The following KCNK2 variants were observed in gnomAD, a reference collection of about 807,000 sequenced individuals.
The protein encoded by KCNK2 is potassium channel subfamily K member 2.
A neutral mutation model predicts 40.5 loss-of-function variants in KCNK2; 21 were observed. That is an observed-to-expected ratio of 0.52 (90% CI 0.37 to 0.75). The LOEUF is 0.75. Ranked by LOEUF, KCNK2 falls within the 30% of genes least tolerant of loss-of-function variation. The pLI, the probability that KCNK2 is intolerant of heterozygous loss-of-function variation, is 0.00. For missense variants in KCNK2, 399 were observed against 531.6 expected, an observed-to-expected ratio of 0.75 and a Z score of 2.45; for synonymous variants, 191 against 202.2, an observed-to-expected ratio of 0.94 and a Z score of 0.47.
At chr1:215,178,488 G>A (rs565978661) in intron 5 of KCNK2, among the ~76,000 whole-genome samples, 2 of 152,310 alleles carry the variant, frequency 1.3e-5, no homozygotes, top group South Asian at 4.1e-4. Flanking sequence ...GCTGTTGACT[G>A]TGGGTTTGCC....
At chr1:215,221,819 ATT>A (rs1298953165) in intron 6 of KCNK2, among the ~76,000 whole-genome samples, 2 of 152,238 alleles carry the variant, frequency 1.3e-5, no homozygotes, top group Non-Finnish European at 1.5e-5. Context: ...CACAAATTAT[ATT>A]GTTTCTGAAA....
chr1:215,041,105 C>G (rs2841574), intron 1 of KCNK2, among the ~76,000 whole-genome samples: 70,910 of 152,068 alleles, frequency 0.47, 17,742 homozygotes, highest in Non-Finnish European at 0.56. Context: ...CCAGCATCAG[C>G]ACTCAATGTG....
At chr1:215,234,773 A>G (rs1487069540) in intron 6 of KCNK2, 55 bp from the exon 7 acceptor site, 2 of 1,471,882 alleles carry the variant, frequency 1.4e-6, no homozygotes, top group African/African-American at 2.8e-5. Flanking sequence ...TAAAGCATAG[A>G]AAATGTTGAT....
intron 1 of KCNK2, among the ~76,000 whole-genome samples, chr1:215,038,365 C>G (rs1442392145): frequency 6.6e-6 from 1 of 152,046 alleles, no homozygotes; most frequent in Non-Finnish European, 1.5e-5. Flanking sequence ...GTCTTACTTG[C>G]TGTTTCCAGC....
At chr1:215,152,788 T>C (rs950979794) in intron 3 of KCNK2, among the ~76,000 whole-genome samples, 2 of 152,178 alleles carry the variant, frequency 1.3e-5, no homozygotes, top group Non-Finnish European at 2.9e-5. Context: ...CTAAAATTTC[T>C]TTCCATGAGA....
At chr1:215,174,342 G>C (rs551626907) in intron 5 of KCNK2, among the ~76,000 whole-genome samples, 2 of 152,056 alleles carry the variant, frequency 1.3e-5, no homozygotes, top group Non-Finnish European at 2.9e-5. Context: ...CTCTGTTTTG[G>C]TACCAGTACC....
intron 1 of KCNK2, among the ~76,000 whole-genome samples, chr1:215,044,795 A>AGG (rs1553257249): frequency 6.9e-6 from 1 of 145,644 alleles, no homozygotes; most frequent in African/African-American, 2.6e-5. Flanking sequence ...GGATAAGTGT[A>AGG]TGTGTGTGTG....
At chr1:215,172,864 T>A (rs1055888127) in intron 5 of KCNK2, among the ~76,000 whole-genome samples, 1 of 152,010 alleles carries the variant, frequency 6.6e-6, no homozygotes, top group Non-Finnish European at 1.5e-5. Flanking sequence ...ACCATGTTGA[T>A]CAGGCTGGTC....
chr1:215,209,504 A>T (rs867636849), intron 6 of KCNK2, among the ~76,000 whole-genome samples: 2 of 2,818 alleles, frequency 7.1e-4, no homozygotes, highest in African/African-American at 1.1e-3. Flanking sequence ...TATAATATAT[A>T]ATATATATAA....
chr1:215,140,265 G>A (rs1435619671), intron 3 of KCNK2, among the ~76,000 whole-genome samples: 1 of 152,090 alleles, frequency 6.6e-6, no homozygotes, highest in Non-Finnish European at 1.5e-5. Flanking sequence ...TCATTCTTTA[G>A]GCAAGGTGAT....
At chr1:215,175,593 C>T (rs1440410800) in intron 5 of KCNK2, among the ~76,000 whole-genome samples, 1 of 152,028 alleles carries the variant, frequency 6.6e-6, no homozygotes, top group African/African-American at 2.4e-5. Flanking sequence ...TTGATCCCAT[C>T]ACCCAGGTAC....
At chr1:215,133,621 C>CTT (rs367681412) in intron 3 of KCNK2, among the ~76,000 whole-genome samples, 3 of 141,188 alleles carry the variant, frequency 2.1e-5, no homozygotes, top group African/African-American at 5.1e-5. Flanking sequence ...CTTCCTAATT[C>CTT]TTTTTTTTTT....
intron 1 of KCNK2, among the ~76,000 whole-genome samples, chr1:215,059,129 GTATATATATACACACACATA>G (rs1157210734): frequency 3.1e-5 from 4 of 130,978 alleles, no homozygotes; most frequent in African/African-American, 9.0e-5. Context: ...ATATATTCGT[GTATATATATACACACACATA>G]TATATATATA....
chr1:215,200,402 T>C (rs1665034939), intron 6 of KCNK2, among the ~76,000 whole-genome samples: 4 of 152,168 alleles, frequency 2.6e-5, no homozygotes. Flanking sequence ...TTGCCAGAGA[T>C]GAGCAATTAA....
At chr1:215,085,881 G>A (rs945686979) in intron 1 of KCNK2, among the ~76,000 whole-genome samples, 3 of 152,106 alleles carry the variant, frequency 2.0e-5, no homozygotes, top group African/African-American at 7.2e-5. Flanking sequence ...TTCATTTATT[G>A]TAATAAATTT....
At chr1:215,195,180 A>G in intron 6 of KCNK2, 88 bp downstream of exon 6, 2 of 1,037,468 alleles carry the variant, frequency 1.9e-6, no homozygotes, top group Non-Finnish European at 2.7e-6. Context: ...CATTTAAAAT[A>G]TTTAAACATT....
At chr1:215,152,083 T>A (rs1029938542) in intron 3 of KCNK2, among the ~76,000 whole-genome samples, 7 of 152,164 alleles carry the variant, frequency 4.6e-5, no homozygotes, top group South Asian at 2.1e-4. Flanking sequence ...TCCTCATTTA[T>A]CCTTAGATCC....
intron 2 of KCNK2, among the ~76,000 whole-genome samples, chr1:215,088,159 C>T (rs143966450): frequency 6.6e-6 from 1 of 151,960 alleles, no homozygotes; most frequent in Non-Finnish European, 1.5e-5. Context: ...CCACATAGAC[C>T]TATGAGGTAC....
chr1:215,140,252 G>A (rs543773813), intron 3 of KCNK2, among the ~76,000 whole-genome samples: 1 of 152,220 alleles, frequency 6.6e-6, no homozygotes, highest in Non-Finnish European at 1.5e-5. Context: ...AAGTTTTGTT[G>A]ACTCATTCTT....
Sources: gnomAD v4.1 joint callset for allele counts (sites outside exome capture counted in the v4.1 genomes callset) on GRCh38, gnomAD v4.1.1 for gene constraint, MANE v1.5 for transcripts, NCBI Gene and HGNC (gene_info 2026-07-23, HGNC 2026-07-21) for gene names.